Variants in CNTN6 observed in about 807,000 individuals in gnomAD.
CNTN6 encodes contactin 6, also known as contactin-6.
A neutral mutation model predicts 122.8 loss-of-function variants in CNTN6; 137 were observed. The observed-to-expected ratio is 1.12, with a 90% confidence interval of 0.97 to 1.29. The LOEUF is 1.29. Ranked by LOEUF, CNTN6 falls within the 50% of genes most tolerant of loss-of-function variation. The probability of loss-of-function intolerance (pLI) is 0.00; values close to 1 mark genes in which losing one functional copy is unlikely to be tolerated. For missense variants in CNTN6, 1,634 were observed against 1,223.4 expected, an observed-to-expected ratio of 1.34 and a Z score of -5.01; for synonymous variants, 570 against 426.0, an observed-to-expected ratio of 1.34 and a Z score of -4.16.
intron 12 of CNTN6, among the ~76,000 whole-genome samples, chr3:1,365,393 T>C (rs1708069159): frequency 6.6e-6 from 1 of 152,046 alleles, no homozygotes; most frequent in African/African-American, 2.4e-5. Context: ...ATTTCCATAA[T>C]AGTCTCATAA....
chr3:1,320,707 C>T (rs1700726038), intron 7 of CNTN6, among the ~76,000 whole-genome samples: 1 of 151,754 alleles, frequency 6.6e-6, no homozygotes, highest in Admixed American at 6.6e-5. Context: ...ACTGGGGATT[C>T]ATTTTACAAT....
chr3:1,388,139 C>G (rs572040015), intron 20 of CNTN6, among the ~76,000 whole-genome samples: 3 of 152,046 alleles, frequency 2.0e-5, no homozygotes, highest in East Asian at 1.9e-4. Context: ...ACAGCAGTAA[C>G]GTCTGCAGAG....
Position 1,142,968 on chromosome 3 carries a change from GTATATATATATATATATATA to G in CNTN6, c.-82-4943_-82-4924del, listed in dbSNP as rs3043051. Among the ~76,000 whole-genome samples the G allele has an allele frequency of 7.8e-5, 10 of 128,662 alleles. 1 individual carries two copies. Among genetic ancestry groups the G allele is most frequent in the Admixed American group, 2.3e-4 (3 of 12,770 alleles). 84.4% of individuals were successfully genotyped at this position (128,662 alleles called of 152,430 possible). ...TACATATAAATTTGTGTGTGTGTGT[GTATATATATATATATATATA>G]TATATATATATATATGTATATGCCC... On this transcript the variant is annotated intron_variant, in intron 1 of 22. Transcript: ENST00000446702.
At chr3:1,197,916 C>G (rs192011332) in intron 2 of CNTN6, among the ~76,000 whole-genome samples, 1 of 152,058 alleles carries the variant, frequency 6.6e-6, no homozygotes, top group Non-Finnish European at 1.5e-5. Flanking sequence ...CTAACTCATG[C>G]AAAGAAACAA....
intron 2 of CNTN6, among the ~76,000 whole-genome samples, chr3:1,158,399 A>G (rs1005545144): frequency 6.6e-6 from 1 of 152,006 alleles, no homozygotes; most frequent in African/African-American, 2.4e-5. Flanking sequence ...TTCCCTATGG[A>G]GTTGTTTGAG....
intron 4 of CNTN6, among the ~76,000 whole-genome samples, chr3:1,243,950 G>A (rs1366244107): frequency 6.6e-6 from 1 of 152,064 alleles, no homozygotes; most frequent in Non-Finnish European, 1.5e-5. Flanking sequence ...GGATCTGGGA[G>A]GAATCGCATT....
chr3:1,398,485 A>G (rs2126253464), intron 20 of CNTN6, among the ~76,000 whole-genome samples: 1 of 152,290 alleles, frequency 6.6e-6, no homozygotes, highest in East Asian at 1.9e-4. Context: ...TTGAATGTAC[A>G]CTAATTGTAT....
intron 2 of CNTN6, among the ~76,000 whole-genome samples, chr3:1,174,894 T>C (rs536450295): frequency 2.9e-4 from 44 of 152,192 alleles, no homozygotes; most frequent in Non-Finnish European, 4.1e-4. Context: ...CACACACGCG[T>C]GTGCACACAC....
chr3:1,365,733 T>C (rs1708126929), intron 12 of CNTN6, among the ~76,000 whole-genome samples: 1 of 152,094 alleles, frequency 6.6e-6, no homozygotes, highest in African/African-American at 2.4e-5. Flanking sequence ...TAAATAAGAA[T>C]TCCTTTCATT....
At chr3:1,376,122 G>C (rs999671152) in intron 16 of CNTN6, among the ~76,000 whole-genome samples, 2 of 152,012 alleles carry the variant, frequency 1.3e-5, no homozygotes, top group Non-Finnish European at 2.9e-5. Flanking sequence ...CTGATTTAGC[G>C]ATTATCACAG....
chr3:1,211,974 A>G (rs1313386544), intron 2 of CNTN6, among the ~76,000 whole-genome samples: 1 of 152,182 alleles, frequency 6.6e-6, no homozygotes, highest in Non-Finnish European at 1.5e-5. Context: ...TGGGCCATTC[A>G]GAAATGCCAG....
intron 2 of CNTN6, among the ~76,000 whole-genome samples, chr3:1,177,175 T>C (rs1202204012): frequency 6.6e-6 from 1 of 152,188 alleles, no homozygotes; most frequent in African/African-American, 2.4e-5. Context: ...GAAAATGTTC[T>C]AATTAAAAGA....
chr3:1,222,409 T>C (rs2094219488), intron 3 of CNTN6, among the ~76,000 whole-genome samples: 1 of 152,196 alleles, frequency 6.6e-6, no homozygotes, highest in South Asian at 2.1e-4. Flanking sequence ...AGAGAAAGAA[T>C]ATAAGAATTC....
At chr3:1,133,243 G>C (rs6781854) in intron 1 of CNTN6, among the ~76,000 whole-genome samples, 57,568 of 151,978 alleles carry the variant, frequency 0.38, 11,243 homozygotes, top group Admixed American at 0.41. Flanking sequence ...ATAAAAATTA[G>C]AGAATTCCAA....
intron 4 of CNTN6, among the ~76,000 whole-genome samples, chr3:1,264,199 C>G (rs1052549554): frequency 1.3e-5 from 2 of 151,934 alleles, no homozygotes; most frequent in Non-Finnish European, 2.9e-5. Flanking sequence ...TTTTGAGTAC[C>G]TACTGTGGGC....
chr3:1,107,397 A>C (rs1048122307), intron 1 of CNTN6, among the ~76,000 whole-genome samples: 2 of 152,120 alleles, frequency 1.3e-5, no homozygotes, highest in Admixed American at 1.3e-4. Flanking sequence ...ACATGACTGA[A>C]TATTTATTCA....
chr3:1,205,237 G>A (rs1194875336), intron 2 of CNTN6, among the ~76,000 whole-genome samples: 2 of 152,152 alleles, frequency 1.3e-5, no homozygotes, highest in Non-Finnish European at 2.9e-5. Context: ...CAGCCCTGAT[G>A]ACATCTTGAT....
intron 2 of CNTN6, among the ~76,000 whole-genome samples, chr3:1,151,193 A>G (rs1290225417): frequency 6.6e-6 from 1 of 152,200 alleles, no homozygotes; most frequent in Non-Finnish European, 1.5e-5. Context: ...CTTCCTCACT[A>G]TGCTTTAAGC....
At chr3:1,245,271 AT>A (rs2094556722) in intron 4 of CNTN6, among the ~76,000 whole-genome samples, 1 of 8,358 alleles carries the variant, frequency 1.2e-4, no homozygotes, top group Non-Finnish European at 2.6e-4. Flanking sequence ...ATATATATAT[AT>A]ATACACACAC....
Sources: allele counts gnomAD v4.1 joint callset (sites outside exome capture counted in the v4.1 genomes callset), GRCh38; gene constraint gnomAD v4.1.1; transcripts MANE v1.5; gene names NCBI Gene and HGNC (gene_info 2026-07-23, HGNC 2026-07-21).